Variants in SOS2 observed in about 807,000 individuals in gnomAD.
The protein encoded by SOS2 is SOS Ras/Rho guanine nucleotide exchange factor 2, also known as son of sevenless homolog 2.
SOS2 carries 65 observed loss-of-function variants against 148.2 expected under a neutral mutation model. The observed-to-expected ratio is 0.44, with a 90% confidence interval of 0.36 to 0.54. SOS2 has a LOEUF of 0.54. Among genes scored for constraint, SOS2 ranks in the 20% least tolerant of loss-of-function variants. The pLI, the probability that SOS2 is intolerant of heterozygous loss-of-function variation, is 0.00. For missense variants in SOS2, 1,341 were observed against 1,590.2 expected, an observed-to-expected ratio of 0.84 and a Z score of 2.67; for synonymous variants, 539 against 537.1, an observed-to-expected ratio of 1.00 and a Z score of -0.05.
chr14:50,165,836 C>T (rs1885146527), intron 8 of SOS2, among the ~76,000 whole-genome samples: 2 of 152,162 alleles, frequency 1.3e-5, no homozygotes, highest in Admixed American at 1.3e-4. Context: ...TTTATTACAA[C>T]TCTGTAACAC....
chr14:50,172,673 T>C (rs896507881), intron 8 of SOS2, among the ~76,000 whole-genome samples: 5 of 151,938 alleles, frequency 3.3e-5, no homozygotes, highest in Non-Finnish European at 7.4e-5. Flanking sequence ...CTGGCTCTCT[T>C]TATTCATTCT....
chr14:50,173,785 G>A (rs749531617), intron 8 of SOS2, among the ~76,000 whole-genome samples: 6 of 151,994 alleles, frequency 3.9e-5, no homozygotes, highest in Non-Finnish European at 8.8e-5. Flanking sequence ...GGATACTAGT[G>A]GATCCATAAA....
At chr14:50,194,799 T>A (rs1340586773) in intron 4 of SOS2, among the ~76,000 whole-genome samples, 2 of 148,600 alleles carry the variant, frequency 1.3e-5, no homozygotes, top group Non-Finnish European at 3.0e-5. Flanking sequence ...ATAAATAAAT[T>A]AAATAAAATA....
chr14:50,119,962 C>A (rs1302766193), intron 22 of SOS2, among the ~76,000 whole-genome samples: 3 of 151,930 alleles, frequency 2.0e-5, no homozygotes, highest in Non-Finnish European at 4.4e-5. Flanking sequence ...CAGGCACCCG[C>A]CACCACACCC....
intron 21 of SOS2, among the ~76,000 whole-genome samples, chr14:50,123,679 G>A (rs748183710): frequency 6.6e-6 from 1 of 150,904 alleles, no homozygotes; most frequent in Non-Finnish European, 1.5e-5. Flanking sequence ...CACCGTACCC[G>A]GCCCACCAGA....
chr14:50,211,649 G>C (rs960912025), intron 1 of SOS2, among the ~76,000 whole-genome samples: 2 of 151,144 alleles, frequency 1.3e-5, no homozygotes, highest in African/African-American at 4.9e-5. Context: ...TTTGAGACAG[G>C]TTCTCGCTGT....
chr14:50,146,323 T>C (rs1385143540), intron 14 of SOS2, among the ~76,000 whole-genome samples: 2 of 151,920 alleles, frequency 1.3e-5, no homozygotes, highest in South Asian at 2.1e-4. Flanking sequence ...CTCTTAAGTA[T>C]GCATATACCC....
Position 50,231,373 on chromosome 14 carries a change from G to T in SOS2, c.-90C>A, listed in dbSNP as rs1245639543. On this transcript the variant is annotated 5_prime_UTR_variant, in exon 1 of 23. Coordinates refer to ENST00000216373, the MANE Select transcript of SOS2 (RefSeq NM_006939.4). ...AGGGCGCGGGCCGCCTCGCCTCGCC[G>T]GCGGCCGCCGCCTCCCGCCCGGGCC... The T allele has an allele frequency of 2.6e-5, 10 of 391,818 alleles. No homozygotes were observed. The Middle Eastern group carries it at 3.5e-3, about 137-fold the overall frequency. The allele number at this position is 391,818 out of a possible 1,614,324, so 24.3% of individuals were successfully genotyped here. A position where few individuals can be genotyped will look rare whatever the true frequency, so the allele number is the denominator to read the frequency against.
At chr14:50,123,398 T>TC in intron 21 of SOS2, among the ~76,000 whole-genome samples, 1 of 148,514 alleles carries the variant, frequency 6.7e-6, no homozygotes, top group East Asian at 2.0e-4. Context: ...TTTTTTTTTT[T>TC]GAGATGGAGT....
In SOS2 at chr14:50,231,528, CG is replaced by C. The variant is rs559131478; in HGVS notation, c.-246del. 7.2e-5 allele frequency: 11 copies of C among 151,768 alleles called. No homozygotes were observed. Among genetic ancestry groups the C allele is most frequent in the Middle Eastern group, 6.8e-3 (2 of 292 alleles). The allele number at this position is 151,768 out of a possible 1,614,324, so 9.4% of individuals were successfully genotyped here. A position where few individuals can be genotyped will look rare whatever the true frequency, so the allele number is the denominator to read the frequency against. On this transcript the variant is annotated 5_prime_UTR_variant, in exon 1 of 23. Coordinates refer to ENST00000216373, the MANE Select transcript of SOS2 (RefSeq NM_006939.4). Reference sequence around the variant, plus strand: ...GAGGAAGCGCGGCGACCCGCAAGCCCGGGCGACCCCGGGCGGCGACCTCCTT... The same window carrying C: ...GAGGAAGCGCGGCGACCCGCAAGCCCGGCGACCCCGGGCGGCGACCTCCTT...
chr14:50,138,970 G>T (rs1050252193), intron 17 of SOS2, among the ~76,000 whole-genome samples, 186 bp from the exon 18 acceptor site: 1 of 151,776 alleles, frequency 6.6e-6, no homozygotes, highest in African/African-American at 2.4e-5. Flanking sequence ...TTTTTAAAGA[G>T]AAAGAATTTA....
chr14:50,152,072 A>G (rs1233566828), intron 13 of SOS2, among the ~76,000 whole-genome samples: 6 of 152,236 alleles, frequency 3.9e-5, no homozygotes, highest in Admixed American at 3.9e-4. Context: ...CAAGGCACAC[A>G]TAAAAATGTA....
intron 16 of SOS2, among the ~76,000 whole-genome samples, chr14:50,141,060 C>T (rs1214683778): frequency 4.0e-5 from 6 of 151,554 alleles, no homozygotes; most frequent in Admixed American, 6.6e-5. Flanking sequence ...AAAAATTAGC[C>T]GGGCGTGGTG....
chr14:50,130,497 T>G lies in SOS2; in HGVS notation c.3337+4A>C. 2.5e-6 allele frequency: 4 copies of G among 1,611,748 alleles called. No individual in the cohort carries two copies. The highest frequency in any genetic ancestry group is 1.1e-5 in the South Asian group (1 of 90,782). On this transcript the variant is annotated splice_donor_region_variant and intron_variant, in intron 20 of 22. Coordinates refer to ENST00000216373, the MANE Select transcript of SOS2 (RefSeq NM_006939.4). Reference sequence around the variant, plus strand: ...TTACCAAGCGGTTTACATCAAATACTTACCACAGGAGCTGTTGAGATCCAC... The same window carrying G: ...TTACCAAGCGGTTTACATCAAATACGTACCACAGGAGCTGTTGAGATCCAC...
Position 50,157,136 on chromosome 14 carries a change from A to G in SOS2, c.1935-15T>C. 2 of 1,606,716 alleles carry G rather than the reference A, an allele frequency of 1.2e-6. No homozygotes were observed. Among genetic ancestry groups the G allele is most frequent in the Non-Finnish European group, 1.7e-6 (2 of 1,176,766 alleles). ...GAATTTCAAACCTAAGAAGAAAAGC[A>G]AAAGGAGAAAAATCCGTTCATACAT... is the stretch of plus-strand genomic sequence containing the variant. On this transcript the variant is annotated splice_polypyrimidine_tract_variant and intron_variant, in intron 11 of 22. Coordinates refer to ENST00000216373, the MANE Select transcript of SOS2 (RefSeq NM_006939.4).
intron 19 of SOS2, among the ~76,000 whole-genome samples, chr14:50,131,154 A>AT (rs1295344001): frequency 6.6e-6 from 1 of 152,088 alleles, no homozygotes; most frequent in Non-Finnish European, 1.5e-5. Flanking sequence ...AAAAAAGATC[A>AT]TTTTTTCCCC....
At chr14:50,193,322 G>A (rs1180435795) in intron 4 of SOS2, among the ~76,000 whole-genome samples, 4 of 151,962 alleles carry the variant, frequency 2.6e-5, no homozygotes, top group African/African-American at 9.7e-5. Context: ...GATTACAAGC[G>A]TGAACCACTG....
intron 18 of SOS2, 141 bp from the exon 19 acceptor site, chr14:50,134,380 T>C: frequency 1.9e-6 from 1 of 540,418 alleles, no homozygotes; most frequent in Non-Finnish European, 3.3e-6. Context: ...CCACAATATG[T>C]GAAAAGTTCA....
At chr14:50,206,183 A>G (rs1886653464) in intron 1 of SOS2, among the ~76,000 whole-genome samples, 1 of 152,074 alleles carries the variant, frequency 6.6e-6, no homozygotes, top group African/African-American at 2.4e-5. Context: ...TCTTTTGCCA[A>G]CTTCTTGAGA....
Sources: gnomAD v4.1 joint callset for allele counts (sites outside exome capture counted in the v4.1 genomes callset) on GRCh38, gnomAD v4.1.1 for gene constraint, MANE v1.5 for transcripts, NCBI Gene and HGNC (gene_info 2026-07-23, HGNC 2026-07-21) for gene names.